Variants in SLC24A2 observed in about 807,000 individuals in gnomAD.
SLC24A2 encodes solute carrier family 24 member 2.
SLC24A2 carries 36 observed loss-of-function variants against 62.0 expected under a neutral mutation model. The observed-to-expected ratio is 0.58, with a 90% CI of 0.44 to 0.77. SLC24A2 has a LOEUF of 0.77. Ranked by LOEUF, SLC24A2 falls within the 30% of genes least tolerant of loss-of-function variation. The pLI is 0.00. For missense variants in SLC24A2, 846 were observed against 817.9 expected, an observed-to-expected ratio of 1.03 and a Z score of -0.42; for synonymous variants, 358 against 294.0, an observed-to-expected ratio of 1.22 and a Z score of -2.23.
chr9:19,534,174 A>C (rs1056639143), intron 8 of SLC24A2, among the ~76,000 whole-genome samples: 2 of 152,104 alleles, frequency 1.3e-5, no homozygotes, highest in Admixed American at 1.3e-4. Flanking sequence ...TGGGGGGAAA[A>C]CCCATCACAG....
chr9:20,164,390 C>T, the SLC24A2 span, among the ~76,000 whole-genome samples: 4 of 152,086 alleles, frequency 2.6e-5, no homozygotes, highest in African/African-American at 9.7e-5. Flanking sequence ...AAAATGCTTA[C>T]CATCACTGGC....
At chr9:20,007,034 G>C in the SLC24A2 span, among the ~76,000 whole-genome samples, 1 of 152,130 alleles carries the variant, frequency 6.6e-6, no homozygotes, top group East Asian at 1.9e-4. Flanking sequence ...TCTACTGTGG[G>C]TGTTGCTTTC....
the SLC24A2 span, among the ~76,000 whole-genome samples, chr9:19,993,416 A>C: frequency 6.6e-6 from 1 of 152,324 alleles, no homozygotes; most frequent in African/African-American, 2.4e-5. Flanking sequence ...CCACAAGAAA[A>C]TGGGCTCATG....
the SLC24A2 span, among the ~76,000 whole-genome samples, chr9:20,185,664 CAAAA>C: frequency 2.2e-5 from 2 of 90,786 alleles, no homozygotes; most frequent in Non-Finnish European, 2.2e-5. Context: ...GACTCCATCT[CAAAA>C]AAAAAAAAAA....
At chr9:19,944,558 A>T in the SLC24A2 span, among the ~76,000 whole-genome samples, 1 of 152,156 alleles carries the variant, frequency 6.6e-6, no homozygotes, top group Non-Finnish European at 1.5e-5. Context: ...AATTTTAGTT[A>T]ATAATAGGAT....
At chr9:19,831,261 A>T in the SLC24A2 span, among the ~76,000 whole-genome samples, 1 of 152,128 alleles carries the variant, frequency 6.6e-6, no homozygotes, top group South Asian at 2.1e-4. Context: ...TAGATTAAGT[A>T]CCTTATGCAT....
chr9:19,959,301 T>C, the SLC24A2 span, among the ~76,000 whole-genome samples: 1 of 152,182 alleles, frequency 6.6e-6, no homozygotes, highest in South Asian at 2.1e-4. Context: ...GCTACAAAAA[T>C]GGATTCAATC....
At position 19,569,713 on chromosome 9, in the gene SLC24A2, C is replaced by T. The variant is rs180701451; in HGVS notation, c.1347+3638G>A. ...CTGACTTCCAATGGCTTCTTGCTGC[C>T]CCAGACAGAAGTCAGCTACCCTATC... On this transcript the variant is annotated intron_variant, in intron 7 of 10. Coordinates refer to ENST00000341998, the MANE Select transcript of SLC24A2 (RefSeq NM_020344.4). Among the ~76,000 whole-genome samples, 390 of 152,254 alleles carry T rather than the reference C, an allele frequency of 2.6e-3. 3 individuals carry two copies. Among genetic ancestry groups the T allele is most frequent in the African/African-American group, 8.9e-3 (368 of 41,528 alleles).
the SLC24A2 span, among the ~76,000 whole-genome samples, chr9:20,227,606 T>C: frequency 2.0e-5 from 3 of 150,300 alleles, no homozygotes; most frequent in African/African-American, 7.3e-5. Flanking sequence ...ATTTCTGTAA[T>C]GTACTATTAA....
chr9:20,004,811 A>AT, the SLC24A2 span, among the ~76,000 whole-genome samples: 17 of 150,112 alleles, frequency 1.1e-4, no homozygotes, highest in East Asian at 5.9e-4. Flanking sequence ...GAAGATGATG[A>AT]TTTTTTTTTT....
At chr9:19,643,835 G>A (rs890389474) in intron 2 of SLC24A2, among the ~76,000 whole-genome samples, 8 of 152,154 alleles carry the variant, frequency 5.3e-5, no homozygotes, top group Non-Finnish European at 1.0e-4. Context: ...CTTGTGCATC[G>A]ATGTACCCAT....
At chr9:20,143,091 T>A in the SLC24A2 span, among the ~76,000 whole-genome samples, 1 of 152,212 alleles carries the variant, frequency 6.6e-6, no homozygotes, top group African/African-American at 2.4e-5. Context: ...CAAATGTAGG[T>A]CTGCTGATTC....
At chr9:19,653,704 T>A (rs1211732429) in intron 2 of SLC24A2, among the ~76,000 whole-genome samples, 1 of 152,228 alleles carries the variant, frequency 6.6e-6, no homozygotes, top group Non-Finnish European at 1.5e-5. Flanking sequence ...ATCATCTTTG[T>A]ATACTTGGGC....
At chr9:20,126,250 T>C in the SLC24A2 span, among the ~76,000 whole-genome samples, 3 of 152,220 alleles carry the variant, frequency 2.0e-5, no homozygotes. Flanking sequence ...ATTTGAAATA[T>C]CTTGAGTAGT....
At chr9:20,132,406 C>T in the SLC24A2 span, among the ~76,000 whole-genome samples, 1 of 152,016 alleles carries the variant, frequency 6.6e-6, no homozygotes, top group Non-Finnish European at 1.5e-5. Flanking sequence ...CAAGTAAAAC[C>T]TTTAGGTTAT....
the SLC24A2 span, among the ~76,000 whole-genome samples, chr9:20,013,335 GT>G: frequency 6.6e-6 from 1 of 152,136 alleles, no homozygotes; most frequent in Non-Finnish European, 1.5e-5. Context: ...AATAAATAGT[GT>G]TGGAAAAACC....
chr9:20,226,275 T>C, the SLC24A2 span, among the ~76,000 whole-genome samples: 4 of 152,148 alleles, frequency 2.6e-5, no homozygotes, highest in African/African-American at 4.8e-5. Context: ...CCAAAAACCA[T>C]GTATTTTCTT....
At chr9:20,081,675 T>A in the SLC24A2 span, among the ~76,000 whole-genome samples, 2 of 152,116 alleles carry the variant, frequency 1.3e-5, no homozygotes, top group East Asian at 3.8e-4. Flanking sequence ...AAAGGGCATG[T>A]GTTACCTAAT....
the SLC24A2 span, among the ~76,000 whole-genome samples, chr9:20,060,011 GAA>G: frequency 6.6e-6 from 1 of 151,988 alleles, no homozygotes; most frequent in Non-Finnish European, 1.5e-5. Context: ...GACTATAAGA[GAA>G]CACTATGAAC....
Sources: gnomAD v4.1 joint callset for allele counts (sites outside exome capture counted in the v4.1 genomes callset) on GRCh38, gnomAD v4.1.1 for gene constraint, MANE v1.5 for transcripts, NCBI Gene and HGNC (gene_info 2026-07-23, HGNC 2026-07-21) for gene names.